CDH4: variants seen among roughly 807,000 people sequenced by gnomAD.
CDH4 encodes cadherin 4, also known as cadherin-4.
CDH4 carries 33 observed loss-of-function variants against 86.0 expected under a neutral mutation model. The observed-to-expected ratio is 0.38, with a 90% CI of 0.29 to 0.51. CDH4 has a LOEUF of 0.51. Ranked by LOEUF, CDH4 falls within the 20% of genes least tolerant of loss-of-function variation. The probability of loss-of-function intolerance (pLI) is 0.86; values close to 1 mark genes in which losing one functional copy is unlikely to be tolerated. For missense variants in CDH4, 1,114 were observed against 1,307.4 expected (o/e 0.85, Z 2.28); for synonymous variants, 555 against 549.4 (o/e 1.01, Z -0.14).
chr20:61,255,293 A>G (rs1280027411), intron 2 of CDH4, among the ~76,000 whole-genome samples: 2 of 152,230 alleles, frequency 1.3e-5, no homozygotes, highest in Non-Finnish European at 2.9e-5. Flanking sequence ...AAAGCAGACG[A>G]TGTTGTTGGA....
chr20:61,527,112 G>A (rs577277064), intron 2 of CDH4, among the ~76,000 whole-genome samples: 1 of 152,368 alleles, frequency 6.6e-6, no homozygotes, highest in African/African-American at 2.4e-5. Context: ...CGCACATACA[G>A]AGAAAGTGAA....
chr20:61,660,145 C>T lies in CDH4; in HGVS notation c.170-83418C>T, dbSNP rs892975391. 4.6e-5 allele frequency among the ~76,000 whole-genome samples: 7 copies of T among 152,138 alleles called. No individual in the cohort carries two copies. In the East Asian group the frequency reaches 7.8e-4, roughly 17 times the overall value. On this transcript the variant is annotated intron_variant, in intron 2 of 15. Transcript: ENST00000614565. ...CTGCGGCCGGCTGAGCCTTGGGTGA[C>T]GTGGCGACCTTCCTTTCTCTGACCT... is the stretch of plus-strand genomic sequence containing the variant.
At position 61,755,459 on chromosome 20, in the gene CDH4, A is replaced by G. The variant is rs866849632; in HGVS notation, c.396+11670A>G. ...CACCACACACACACACCCCGTACAC[A>G]CCACACACACACCATACACACAGTG... On this transcript the variant is annotated intron_variant, in intron 3 of 15. Coordinates refer to ENST00000614565, the MANE Select transcript of CDH4 (RefSeq NM_001794.5). Among the ~76,000 whole-genome samples the G allele has an allele frequency of 8.5e-4, 117 of 136,872 alleles. 1 individual carries two copies. Among genetic ancestry groups the G allele is most frequent in the Non-Finnish European group, 1.4e-3 (90 of 66,560 alleles). 89.8% of individuals were successfully genotyped at this position (136,872 alleles called of 152,430 possible). A position where few individuals can be genotyped will look rare whatever the true frequency, so the allele number is the denominator to read the frequency against.
intron 2 of CDH4, among the ~76,000 whole-genome samples, chr20:61,429,518 G>A (rs2085232753): frequency 6.6e-6 from 1 of 152,244 alleles, no homozygotes; most frequent in Admixed American, 6.5e-5. Flanking sequence ...TGAATAAATG[G>A]ATAGGTAGAT....
chr20:61,780,796 G>A (rs975732384), intron 4 of CDH4, among the ~76,000 whole-genome samples: 5 of 152,238 alleles, frequency 3.3e-5, no homozygotes, highest in African/African-American at 9.6e-5. Context: ...CGTGTGTGCA[G>A]GTGGCTTCCC....
chr20:61,635,293 C>T (rs542776079), intron 2 of CDH4, among the ~76,000 whole-genome samples: 39 of 152,348 alleles, frequency 2.6e-4, no homozygotes, highest in Middle Eastern at 6.8e-3. Context: ...CAATCCTTGC[C>T]AACACTTGTG....
chr20:61,848,173 C>A (rs1471992394), intron 5 of CDH4, among the ~76,000 whole-genome samples: 1 of 152,230 alleles, frequency 6.6e-6, no homozygotes, highest in Non-Finnish European at 1.5e-5. Context: ...GGGTCCCACA[C>A]CTGCAGGCCC....
intron 2 of CDH4, among the ~76,000 whole-genome samples, chr20:61,720,649 T>A (rs1275464080): frequency 9.5e-6 from 1 of 104,884 alleles, no homozygotes; most frequent in Non-Finnish European, 1.9e-5. Flanking sequence ...GCCATCGTCT[T>A]GTGTCTGTGT....
At chr20:61,928,602 C>T (rs1381720932) in intron 12 of CDH4, among the ~76,000 whole-genome samples, 179 bp downstream of exon 12, 1 of 152,244 alleles carries the variant, frequency 6.6e-6, no homozygotes, top group Admixed American at 6.5e-5. Flanking sequence ...TTCACCTGGC[C>T]TTGAGGAGGC....
rs775498402 is a variant in CDH4 at position 61,936,871 on chromosome 20, C to T, written c.2679C>T (p.Tyr893=). ...CATCCAGTTCCGGGGACCAAGACTA[C>T]GATTACCTCAACGACTGGGGGCCCA... ...LNSSSSGDQD[Y]DYLNDWGPRF... is the part of the protein sequence containing the mutation. The change falls in exon 16 of 16, where the codon TAC becomes TAT. Residue 893 remains tyrosine, a synonymous_variant. Coordinates refer to ENST00000614565, the MANE Select transcript of CDH4 (RefSeq NM_001794.5). The T allele has an allele frequency of 4.0e-5, 65 of 1,607,230 alleles. No homozygotes were observed. The highest frequency in any genetic ancestry group is 4.9e-5 in the Non-Finnish European group (58 of 1,177,416).
chr20:61,353,682 CCCCCTCCTCCTCCCCTCCTCCTCCT>C (rs2084728833), intron 2 of CDH4, among the ~76,000 whole-genome samples: 4 of 40,026 alleles, frequency 1.0e-4, no homozygotes, highest in East Asian at 7.6e-4. Context: ...CCCTCCTCCT[CCCCCTCCTCCTCCCCTCCTCCTCCT>C]CCCCTGCTTC....
At chr20:61,334,459 TG>T (rs2084606011) in intron 2 of CDH4, among the ~76,000 whole-genome samples, 1 of 152,104 alleles carries the variant, frequency 6.6e-6, no homozygotes, top group African/African-American at 2.4e-5. Context: ...GACCGGCTAA[TG>T]GATAAACAAA....
intron 2 of CDH4, among the ~76,000 whole-genome samples, chr20:61,690,683 G>A (rs1355901345): frequency 1.3e-5 from 2 of 152,116 alleles, no homozygotes; most frequent in Non-Finnish European, 2.9e-5. Flanking sequence ...ATGAGAGGAG[G>A]GCGGGGACAA....
chr20:61,629,392 TA>T (rs11475967), intron 2 of CDH4, among the ~76,000 whole-genome samples: 72,625 of 149,560 alleles, frequency 0.49, 17,958 homozygotes, highest in East Asian at 0.62. Context: ...AGAAATGAAA[TA>T]AAAAAAAAAA....
intron 2 of CDH4, among the ~76,000 whole-genome samples, chr20:61,549,055 T>C (rs1294185193): frequency 2.0e-5 from 3 of 152,100 alleles, no homozygotes; most frequent in African/African-American, 7.2e-5. Context: ...GCAGATGTTA[T>C]CTAAGCAGTG....
intron 2 of CDH4, among the ~76,000 whole-genome samples, chr20:61,486,849 A>G (rs1761871769): frequency 6.6e-6 from 1 of 152,180 alleles, no homozygotes; most frequent in African/African-American, 2.4e-5. Context: ...TGATTGCATC[A>G]CTGTACTCCA....
chr20:61,471,314 A>C (rs1397508239), intron 2 of CDH4, among the ~76,000 whole-genome samples: 2 of 152,050 alleles, frequency 1.3e-5, no homozygotes, highest in Non-Finnish European at 2.9e-5. Context: ...ATTGTCATAC[A>C]GTTGCTCATA....
chr20:61,283,392 T>C lies in CDH4; in HGVS notation c.169+28455T>C, dbSNP rs111164163. On this transcript the variant is annotated intron_variant, in intron 2 of 15. Transcript: ENST00000614565. ...TGTGATGTGTGTGCGTTTGCACGCGTGTGCTGTGGCGTGTGTGATGTGTGT... is the reference window on the plus strand; with the variant it reads ...TGTGATGTGTGTGCGTTTGCACGCGCGTGCTGTGGCGTGTGTGATGTGTGT... Among the ~76,000 whole-genome samples, 99 of 109,112 alleles carry C rather than the reference T, an allele frequency of 9.1e-4. 6 individuals carry two copies. The highest frequency in any genetic ancestry group is 1.4e-3 in the South Asian group (5 of 3,460). The allele number at this position is 109,112 out of a possible 152,430, so 71.6% of individuals were successfully genotyped here. A position where few individuals can be genotyped will look rare whatever the true frequency, so the allele number is the denominator to read the frequency against.
chr20:61,423,415 G>A (rs1435430750), intron 2 of CDH4, among the ~76,000 whole-genome samples: 1 of 152,114 alleles, frequency 6.6e-6, no homozygotes, highest in Non-Finnish European at 1.5e-5. Flanking sequence ...ACCTGTATGG[G>A]CAAGACATGT....
Sources: gnomAD v4.1 joint callset for allele counts (sites outside exome capture counted in the v4.1 genomes callset) on GRCh38, gnomAD v4.1.1 for gene constraint, MANE v1.5 for transcripts, NCBI Gene and HGNC (gene_info 2026-07-23, HGNC 2026-07-21) for gene names.